The following ADAM2 variants were observed in gnomAD, a reference collection of about 807,000 sequenced individuals.
ADAM2 encodes the protein ADAM metallopeptidase domain 2.
In ADAM2, 101 loss-of-function variants were observed where a neutral mutation model predicts 99.3. That is an observed-to-expected ratio of 1.02 (90% CI 0.87 to 1.20). ADAM2 has a LOEUF of 1.20. Among genes scored for constraint, ADAM2 ranks in the 50% most tolerant of loss-of-function variants. The probability of loss-of-function intolerance (pLI) is 0.00; values close to 1 mark genes in which losing one functional copy is unlikely to be tolerated. For synonymous variants in ADAM2, 323 were observed against 287.6 expected, an observed-to-expected ratio of 1.12 and a Z score of -1.25; for missense variants, 948 against 878.7, an observed-to-expected ratio of 1.08 and a Z score of -1.00.
chr8:39,784,925 T>C (rs182817917), intron 10 of ADAM2, among the ~76,000 whole-genome samples: 48 of 152,340 alleles, frequency 3.2e-4, no homozygotes, highest in Admixed American at 7.8e-4. Context: ...TTCAATTGTT[T>C]CACCACCTTA....
Position 39,767,244 on chromosome 8 carries a change from G to A in ADAM2, c.1220C>T (p.Ala407Val). 1 of 1,604,916 alleles carries A rather than the reference G, an allele frequency of 6.2e-7. No individual in the cohort carries two copies. Among genetic ancestry groups the A allele is most frequent in the South Asian group, 1.1e-5 (1 of 89,616 alleles). The change falls in exon 13 of 21, where the codon GCC becomes GTC. Residue 407 changes from alanine to valine, a missense_variant. Physicochemically the swap from Ala to Val is moderately conservative, Grantham distance 64 (BLOSUM62 0). Transcript: ENST00000265708. ...ECDCGTEQDC[A>V]LIGETCCDIA... ...ATCACAGCATGTTTCTCCAATAAGG[G>A]CACAATCCTGTAAGGCAAATCAAAT...
intron 3 of ADAM2, among the ~76,000 whole-genome samples, chr8:39,829,942 A>C (rs1313968647): frequency 6.6e-6 from 1 of 152,126 alleles, no homozygotes; most frequent in African/African-American, 2.4e-5. Context: ...CTAGGATAAT[A>C]AATTCTAAAT....
At chr8:39,760,267 G>A (rs1299258133) in intron 15 of ADAM2, among the ~76,000 whole-genome samples, 2 of 151,938 alleles carry the variant, frequency 1.3e-5, no homozygotes, top group African/African-American at 2.4e-5. Context: ...TTCATACAGC[G>A]TCTATGTTTC....
At chr8:39,779,711 C>CA (rs745911247) in intron 10 of ADAM2, among the ~76,000 whole-genome samples, 2 of 152,080 alleles carry the variant, frequency 1.3e-5, no homozygotes, top group Non-Finnish European at 2.9e-5. Flanking sequence ...ATAATAACAG[C>CA]AACAAGCATT....
intron 10 of ADAM2, among the ~76,000 whole-genome samples, chr8:39,783,728 G>T (rs1162586619): frequency 6.6e-6 from 1 of 152,082 alleles, no homozygotes; most frequent in Non-Finnish European, 1.5e-5. Context: ...GAGGCAGGCA[G>T]ATCACAAGGT....
At position 39,790,197 on chromosome 8, in the gene ADAM2, C is replaced by T. The variant is rs185195592; in HGVS notation, c.571-1457G>A. ...TCTCATTCTTCACACCTACCCAATA[C>T]GAGTTAAAATGCATGGCCACACAAA... is the stretch of plus-strand genomic sequence containing the variant. On this transcript the variant is annotated intron_variant, in intron 7 of 20. Transcript: ENST00000265708. 1.4e-4 allele frequency among the ~76,000 whole-genome samples: 21 copies of T among 151,918 alleles called. No individual in the cohort carries two copies. In the South Asian group the frequency reaches 1.4e-3, roughly 10 times the overall value.
At chr8:39,788,315 G>A (rs997736723) in intron 8 of ADAM2, 64 bp from the exon 9 acceptor site, 8 of 1,027,244 alleles carry the variant, frequency 7.8e-6, no homozygotes, top group Non-Finnish European at 1.1e-5. Context: ...AGATATATAT[G>A]TTTGAAAACA....
chr8:39,817,483 C>A (rs1392192494), intron 6 of ADAM2, among the ~76,000 whole-genome samples: 7 of 152,104 alleles, frequency 4.6e-5, no homozygotes, highest in African/African-American at 1.7e-4. Context: ...CTTAAAGAGG[C>A]AATTTTGAAT....
intron 3 of ADAM2, among the ~76,000 whole-genome samples, chr8:39,827,541 T>C (rs1170983953): frequency 6.6e-6 from 1 of 152,186 alleles, no homozygotes; most frequent in Non-Finnish European, 1.5e-5. Context: ...AATGGAATAC[T>C]AGGCAGTCAT....
At chr8:39,818,508 AT>A (rs1465017729) in intron 6 of ADAM2, among the ~76,000 whole-genome samples, 3 of 152,050 alleles carry the variant, frequency 2.0e-5, no homozygotes, top group African/African-American at 7.2e-5. Context: ...TCTCCCTAAG[AT>A]TGGGAAAAGA....
At chr8:39,779,986 T>G (rs938223549) in intron 10 of ADAM2, among the ~76,000 whole-genome samples, 13 of 152,028 alleles carry the variant, frequency 8.6e-5, no homozygotes, top group African/African-American at 3.1e-4. Flanking sequence ...ATTCAAAGAG[T>G]GTATTAGTCT....
At chr8:39,814,999 T>C (rs967174791) in intron 6 of ADAM2, among the ~76,000 whole-genome samples, 1 of 152,004 alleles carries the variant, frequency 6.6e-6, no homozygotes, top group Non-Finnish European at 1.5e-5. Context: ...GAAAATAAGA[T>C]GACTAGAAAG....
intron 6 of ADAM2, chr8:39,817,875 T>C (rs999747529): frequency 2.0e-5 from 3 of 151,808 alleles, no homozygotes; most frequent in Non-Finnish European, 4.4e-5. Context: ...AAAACCTCTA[T>C]AGACACACAA....
chr8:39,789,613 T>C (rs1194064209), intron 7 of ADAM2, among the ~76,000 whole-genome samples: 1 of 151,762 alleles, frequency 6.6e-6, no homozygotes, highest in Non-Finnish European at 1.5e-5. Context: ...ATCAGTGAAA[T>C]TGAGTGCCCA....
At chr8:39,752,167 G>A (rs187425221) in intron 16 of ADAM2, among the ~76,000 whole-genome samples, 4 of 152,228 alleles carry the variant, frequency 2.6e-5, no homozygotes, top group African/African-American at 9.6e-5. Flanking sequence ...TCCTCCAGTG[G>A]CCACCAATGA....
intron 14 of ADAM2, among the ~76,000 whole-genome samples, chr8:39,764,054 C>T (rs988107200): frequency 2.0e-4 from 30 of 152,186 alleles, no homozygotes; most frequent in African/African-American, 7.2e-4. Context: ...TGAACCTGAG[C>T]AGGCTGGAAC....
At chr8:39,828,695 A>G (rs918537351) in intron 3 of ADAM2, among the ~76,000 whole-genome samples, 6 of 151,890 alleles carry the variant, frequency 4.0e-5, no homozygotes, top group Admixed American at 2.6e-4. Flanking sequence ...GACAGGGTCT[A>G]AGAATGAGCA....
At position 39,814,360 on chromosome 8, in the gene ADAM2, G is replaced by GA. The variant is rs746356190; in HGVS notation, c.514-4895dup. On this transcript the variant is annotated intron_variant, in intron 6 of 20. Coordinates refer to ENST00000265708, the MANE Select transcript of ADAM2 (RefSeq NM_001464.5). ...GGTGACAGAGTGAGACTCTGTCTCA[G>GA]AAAAAAAAAAAAAATCCACAATAGC... is the stretch of plus-strand genomic sequence containing the variant. Among the ~76,000 whole-genome samples, 225 of 125,408 alleles carry GA rather than the reference G, an allele frequency of 1.8e-3. 1 individual carries two copies. Among genetic ancestry groups the GA allele is most frequent in the Middle Eastern group, 4.5e-3 (1 of 224 alleles). The allele number at this position is 125,408 out of a possible 152,430, so 82.3% of individuals were successfully genotyped here. A position where few individuals can be genotyped will look rare whatever the true frequency, so the allele number is the denominator to read the frequency against.
chr8:39,792,201 T>C (rs756213578), intron 7 of ADAM2, among the ~76,000 whole-genome samples: 4 of 151,672 alleles, frequency 2.6e-5, no homozygotes, highest in Non-Finnish European at 4.4e-5. Context: ...ATGCTCAAAA[T>C]GTATGTTCCT....
Sources: allele counts gnomAD v4.1 joint callset (sites outside exome capture counted in the v4.1 genomes callset), GRCh38; gene constraint gnomAD v4.1.1; transcripts MANE v1.5; gene names NCBI Gene and HGNC (gene_info 2026-07-23, HGNC 2026-07-21).